GLI3: variants seen among roughly 807,000 people sequenced by gnomAD.
The protein encoded by GLI3 is transcription activator GLI3.
A neutral mutation model predicts 100.8 loss-of-function variants in GLI3; 20 were observed. The observed-to-expected ratio is 0.20, with a 90% CI of 0.14 to 0.29. The LOEUF (loss-of-function observed/expected upper bound fraction) is 0.29. GLI3 is among the 10% of genes least tolerant of loss of function. The pLI is 1.00. For synonymous variants in GLI3, 938 were observed against 860.5 expected, an observed-to-expected ratio of 1.09 and a Z score of -1.58; for missense variants, 2,040 against 2,128.5, an observed-to-expected ratio of 0.96 and a Z score of 0.82.
intron 3 of GLI3, among the ~76,000 whole-genome samples, chr7:42,088,269 C>T (rs138221973): frequency 4.9e-4 from 75 of 152,316 alleles, no homozygotes; most frequent in African/African-American, 1.7e-3. Context: ...AGTCCACCGT[C>T]CACTTTGCAG....
rs1335049495 is a variant in GLI3 at position 42,023,566 on chromosome 7, T to G, written c.1399A>C (p.Lys467Gln). 6.2e-7 allele frequency: 1 copy of G among 1,613,598 alleles called. No individual in the cohort carries two copies. ...GTTLVKEEGD[K>Q]DESKQEPEVI... ...TCAGGCTCCTGTTTGCTTTCATCTTTGTCCCCTTCCTCCTTGACAAGGGTT... is the reference window on the plus strand; with the variant it reads ...TCAGGCTCCTGTTTGCTTTCATCTTGGTCCCCTTCCTCCTTGACAAGGGTT... The change falls in exon 10 of 15, where the codon AAA becomes CAA. Residue 467 changes from lysine (K) to glutamine (Q), a missense_variant. Coordinates refer to ENST00000395925, the MANE Select transcript of GLI3 (RefSeq NM_000168.6).
chr7:42,108,544 T>C (rs1785630439), intron 3 of GLI3, among the ~76,000 whole-genome samples: 1 of 152,152 alleles, frequency 6.6e-6, no homozygotes, highest in Non-Finnish European at 1.5e-5. Context: ...CCCTTATTTC[T>C]GTCCTTTGTG....
intron 4 of GLI3, among the ~76,000 whole-genome samples, chr7:42,053,764 G>A (rs748831591): frequency 1.7e-4 from 26 of 152,166 alleles, no homozygotes; most frequent in Non-Finnish European, 3.5e-4. Flanking sequence ...CAAACATTCT[G>A]AGAAAAACAC....
intron 9 of GLI3, among the ~76,000 whole-genome samples, chr7:42,024,981 C>A (rs372499659): frequency 6.6e-6 from 1 of 152,184 alleles, no homozygotes; most frequent in African/African-American, 2.4e-5. Context: ...ATTTCCTCTA[C>A]GAACTACAGT....
At chr7:42,242,492 C>G (rs922664788), upstream of GLI3, among the ~76,000 whole-genome samples, 8 of 152,146 alleles carry the variant, frequency 5.3e-5, no homozygotes, top group Non-Finnish European at 7.3e-5. Context: ...TCCGACATTC[C>G]CCACTAGAAT....
Position 41,966,808 on chromosome 7 carries a change from A to C in GLI3, c.2432-167T>G, listed in dbSNP as rs1434575568. Reference sequence around the variant, plus strand: ...CTACTCAGCTCTGCAGTGTAGCCCCAACACGGCCACAGAGAGCAGTGAGCA... The same window carrying C: ...CTACTCAGCTCTGCAGTGTAGCCCCCACACGGCCACAGAGAGCAGTGAGCA... On this transcript the variant is annotated intron_variant, in intron 14 of 14. Transcript: ENST00000395925. This position sits in a 1 kb window ranked among gnomAD's most constrained non-coding sequence, Gnocchi z 5.8. 1.3e-5 allele frequency among the ~76,000 whole-genome samples: 2 copies of C among 152,146 alleles called. No individual in the cohort carries two copies. The highest frequency in any genetic ancestry group is 4.8e-5 in the African/African-American group (2 of 41,416).
chr7:41,962,826 G>T lies in GLI3; in HGVS notation c.*1504C>A, dbSNP rs1392381018. 2 of 152,142 alleles carry T rather than the reference G, an allele frequency of 1.3e-5. No homozygotes were observed. Among genetic ancestry groups the T allele is most frequent in the Non-Finnish European group, 2.9e-5 (2 of 68,030 alleles). 9.4% of individuals were successfully genotyped at this position (152,142 alleles called of 1,614,324 possible). On this transcript the variant is annotated 3_prime_UTR_variant, in exon 15 of 15. Transcript: ENST00000395925. Reference sequence around the variant, plus strand: ...ACTTGCAGTAAATCCAATTCCAGGGGTCAATGGGACAGAATACAGCAGGTA... The same window carrying T: ...ACTTGCAGTAAATCCAATTCCAGGGTTCAATGGGACAGAATACAGCAGGTA...
chr7:42,182,179 G>A (rs1479931175), intron 2 of GLI3, among the ~76,000 whole-genome samples: 1 of 152,138 alleles, frequency 6.6e-6, no homozygotes, highest in Non-Finnish European at 1.5e-5. Context: ...TGGCAAGGCA[G>A]CCAGTAGACC....
At chr7:42,146,370 G>A (rs991217579) in intron 3 of GLI3, among the ~76,000 whole-genome samples, 3 of 152,182 alleles carry the variant, frequency 2.0e-5, no homozygotes, top group African/African-American at 7.2e-5. Flanking sequence ...GGTCCCAGGT[G>A]TAGAGAGCTC....
intron 7 of GLI3, among the ~76,000 whole-genome samples, chr7:42,032,600 C>T (rs1789324101): frequency 6.6e-6 from 1 of 152,080 alleles, no homozygotes; most frequent in South Asian, 2.1e-4. Context: ...TTTTTAAATG[C>T]TTCAGGAATT....
chr7:42,166,268 G>A (rs2128673719), intron 2 of GLI3, among the ~76,000 whole-genome samples: 1 of 152,306 alleles, frequency 6.6e-6, no homozygotes, highest in Admixed American at 6.5e-5. Context: ...TTGAGGGCAG[G>A]CGCTGGAATT....
chr7:42,157,322 G>A (rs1237059607), intron 2 of GLI3, among the ~76,000 whole-genome samples: 2 of 152,226 alleles, frequency 1.3e-5, no homozygotes, highest in African/African-American at 4.8e-5. Context: ...TAGTGAGTTA[G>A]CCACAAAAGT....
intron 10 of GLI3, among the ~76,000 whole-genome samples, chr7:41,988,911 G>A (rs1787903077): frequency 6.6e-6 from 1 of 152,166 alleles, no homozygotes. Flanking sequence ...TTTTGTTAAA[G>A]AGCTTCTCAG....
At chr7:42,183,643 C>T (rs1352140223) in intron 2 of GLI3, among the ~76,000 whole-genome samples, 2 of 152,156 alleles carry the variant, frequency 1.3e-5, no homozygotes, top group African/African-American at 2.4e-5. Flanking sequence ...ATCCCTACAC[C>T]GCCGTCAAAT....
intron 3 of GLI3, among the ~76,000 whole-genome samples, chr7:42,090,884 A>G (rs1417535450): frequency 1.3e-5 from 2 of 152,282 alleles, no homozygotes; most frequent in African/African-American, 4.8e-5. Context: ...GTAGGTATTC[A>G]TATGCTATTT....
At chr7:42,018,629 C>T (rs1412850235) in intron 10 of GLI3, among the ~76,000 whole-genome samples, 1 of 152,190 alleles carries the variant, frequency 6.6e-6, no homozygotes, top group African/African-American at 2.4e-5. Flanking sequence ...GAAAGCCCCT[C>T]ATTTTCATGC....
At chr7:42,113,836 CT>C (rs1390610630) in intron 3 of GLI3, among the ~76,000 whole-genome samples, 1 of 152,178 alleles carries the variant, frequency 6.6e-6, no homozygotes, top group East Asian at 1.9e-4. Context: ...ACACCTTTCC[CT>C]TTCCCTTCTA....
At chr7:42,233,435 A>C (rs1271768965) in intron 1 of GLI3, among the ~76,000 whole-genome samples, 1 of 152,256 alleles carries the variant, frequency 6.6e-6, no homozygotes, top group African/African-American at 2.4e-5. Context: ...GGGGTTGATA[A>C]GAACCTCCAC....
chr7:42,136,776 C>A (rs1240536684), intron 3 of GLI3, among the ~76,000 whole-genome samples: 1 of 152,180 alleles, frequency 6.6e-6, no homozygotes, highest in South Asian at 2.1e-4. Context: ...ATTTGGCCTG[C>A]CTTCCCTGAT....
Sources: allele counts gnomAD v4.1 joint callset (sites outside exome capture counted in the v4.1 genomes callset), GRCh38; gene constraint gnomAD v4.1.1; non-coding constraint Gnocchi (gnomAD v3.1); transcripts MANE v1.5; gene names NCBI Gene and HGNC (gene_info 2026-07-23, HGNC 2026-07-21).